Variants in SIPA1L3 observed in about 807,000 individuals in gnomAD.
SIPA1L3 encodes signal-induced proliferation-associated 1-like protein 3.
A neutral mutation model predicts 150.1 loss-of-function variants in SIPA1L3; 59 were observed. The ratio of observed to expected loss-of-function variants is 0.39; its 90% CI spans 0.32 to 0.49. SIPA1L3 has a LOEUF of 0.49. Among genes scored for constraint, SIPA1L3 ranks in the 20% least tolerant of loss-of-function variants. The pLI, the probability that SIPA1L3 is intolerant of heterozygous loss-of-function variation, is 0.86. For synonymous variants in SIPA1L3, 1,070 were observed against 1,077.6 expected (o/e 0.99, Z 0.14); for missense variants, 2,211 against 2,489.5 (o/e 0.89, Z 2.38).
At chr19:38,163,858 G>T (rs1299042574) in intron 14 of SIPA1L3, among the ~76,000 whole-genome samples, 1 of 152,226 alleles carries the variant, frequency 6.6e-6, no homozygotes, top group Non-Finnish European at 1.5e-5. Flanking sequence ...ACAGGTGGGG[G>T]TCATCATCTA....
chr19:37,923,202 T>G (rs1409647198), intron 1 of SIPA1L3, among the ~76,000 whole-genome samples: 1 of 151,548 alleles, frequency 6.6e-6, no homozygotes, highest in Admixed American at 6.6e-5. Context: ...GGAGCAGAAA[T>G]TAAACAGGCA....
At chr19:38,163,798 C>T (rs891463155) in intron 14 of SIPA1L3, among the ~76,000 whole-genome samples, 2 of 152,304 alleles carry the variant, frequency 1.3e-5, no homozygotes, top group Non-Finnish European at 2.9e-5. Flanking sequence ...CATCAAAGCC[C>T]CATGGGCCAT....
rs1973151546 is a variant in SIPA1L3 at position 38,204,131 on chromosome 19, G to T, written c.5125G>T (p.Glu1709Ter). The T allele has an allele frequency of 1.3e-6, 2 of 1,556,982 alleles. No homozygotes were observed. Among genetic ancestry groups the T allele is most frequent in the Non-Finnish European group, 1.7e-6 (2 of 1,149,616 alleles). Residue 1709 changes from glutamate to a stop codon, truncating the protein, a stop_gained, in exon 21 of 22, where the codon GAG becomes TAG. Transcript: ENST00000222345. LOFTEE classifies it high-confidence loss of function. ...CCTTGTCCCTGGTTTTTCCAGCGAGGAGCCACCCCTGGATCTGACAGGCAA... is the reference window on the plus strand; with the variant it reads ...CCTTGTCCCTGGTTTTTCCAGCGAGTAGCCACCCCTGGATCTGACAGGCAA... Reference protein sequence around the residue: ...TPRTTPTMSEEPPLDLTGKVY... With the variant: ...TPRTTPTMSE
rs117608185 is a variant in SIPA1L3, at chr19:38,087,543, G to A, written c.1535-1178G>A. Among the ~76,000 whole-genome samples, 1,233 of 152,286 alleles carry A rather than the reference G, an allele frequency of 8.1e-3. 8 individuals are homozygous for A. The highest frequency in any genetic ancestry group is 0.014 in the Middle Eastern group (4 of 294). Reference sequence around the variant, plus strand: ...TTGTGGACTTGGATCAAGACAGACCGCTGGCGGATACCCACACAAGCATGA... The same window carrying A: ...TTGTGGACTTGGATCAAGACAGACCACTGGCGGATACCCACACAAGCATGA... On this transcript the variant is annotated intron_variant, in intron 3 of 21. Transcript: ENST00000222345.
At chr19:37,995,432 C>T (rs985011386) in intron 1 of SIPA1L3, among the ~76,000 whole-genome samples, 24 of 152,146 alleles carry the variant, frequency 1.6e-4, no homozygotes, top group African/African-American at 5.8e-4. Flanking sequence ...CCCACAGAGC[C>T]TGCAGTTTTA....
intron 1 of SIPA1L3, among the ~76,000 whole-genome samples, chr19:37,918,879 T>G (rs2046434859): frequency 1.5e-5 from 2 of 137,674 alleles, no homozygotes; most frequent in African/African-American, 5.8e-5. Flanking sequence ...TCAAAATAAA[T>G]AAATAAATAA....
intron 1 of SIPA1L3, among the ~76,000 whole-genome samples, chr19:38,015,971 C>T (rs147902697): frequency 4.6e-4 from 70 of 152,262 alleles, no homozygotes; most frequent in African/African-American, 1.5e-3. Flanking sequence ...AATCTGCGCT[C>T]ACAGGGGATC....
At chr19:38,117,685 G>C (rs939918215) in intron 8 of SIPA1L3, among the ~76,000 whole-genome samples, 1 of 152,050 alleles carries the variant, frequency 6.6e-6, no homozygotes, top group East Asian at 1.9e-4. Context: ...GGAGAGAATG[G>C]GGCTCACCCA....
At chr19:38,131,184 C>T (rs938592288) in intron 10 of SIPA1L3, among the ~76,000 whole-genome samples, 5 of 152,120 alleles carry the variant, frequency 3.3e-5, no homozygotes, top group Non-Finnish European at 7.4e-5. Flanking sequence ...TGCTCCCTTG[C>T]GGTTTGTGTT....
rs58768492 is a variant in SIPA1L3, at chr19:37,914,024, CAAAAAAAAAAA to C, written c.-379+6678_-379+6688del. On this transcript the variant is annotated intron_variant, in intron 1 of 21. Coordinates refer to ENST00000222345, the MANE Select transcript of SIPA1L3 (RefSeq NM_015073.3). The stretch of plus-strand genomic sequence containing the variant: ...TGGGCGGCAGAGTGAGAGGCCGTCT[CAAAAAAAAAAA>C]AAAAAAAAAAATCCTGATCCTGCCT... Among the ~76,000 whole-genome samples, 11 of 110,790 alleles carry C rather than the reference CAAAAAAAAAAA, an allele frequency of 9.9e-5. No homozygotes were observed. In the South Asian group the frequency reaches 2.5e-3, roughly 26 times the overall value. The allele number at this position is 110,790 out of a possible 152,430, so 72.7% of individuals were successfully genotyped here.
intron 8 of SIPA1L3, among the ~76,000 whole-genome samples, chr19:38,116,576 GGT>G (rs1166195975): frequency 1.3e-5 from 2 of 150,088 alleles, no homozygotes; most frequent in African/African-American, 4.9e-5. Flanking sequence ...GGCTGGGTGC[GGT>G]GGCTCACACC....
intron 9 of SIPA1L3, among the ~76,000 whole-genome samples, chr19:38,129,341 C>G (rs1318859841): frequency 6.6e-6 from 1 of 152,026 alleles, no homozygotes; most frequent in African/African-American, 2.4e-5. Flanking sequence ...AATGGTGTCA[C>G]GAGGCCGGGC....
intron 18 of SIPA1L3, among the ~76,000 whole-genome samples, chr19:38,196,337 GAGC>G (rs748731400): frequency 3.4e-4 from 52 of 152,180 alleles, no homozygotes; most frequent in Non-Finnish European, 7.2e-4. Flanking sequence ...GCCCAGGGTG[GAGC>G]ATGGAGGTCA....
At chr19:38,144,872 C>T (rs1365247886) in intron 12 of SIPA1L3, among the ~76,000 whole-genome samples, 1 of 152,184 alleles carries the variant, frequency 6.6e-6, no homozygotes, top group Non-Finnish European at 1.5e-5. Context: ...GAGGAGGTGA[C>T]ATCTGAACAG....
At chr19:37,930,834 C>G (rs547706723) in intron 1 of SIPA1L3, among the ~76,000 whole-genome samples, 49 of 151,830 alleles carry the variant, frequency 3.2e-4, no homozygotes, top group Non-Finnish European at 5.4e-4. Flanking sequence ...ACCCCTCCCC[C>G]CCAACCCCCA....
At position 38,192,159 on chromosome 19, in the gene SIPA1L3, A is replaced by G; in HGVS notation, c.4445A>G (p.Asn1482Ser). 6.2e-7 allele frequency: 1 copy of G among 1,607,466 alleles called. No homozygotes were observed. The highest frequency in any genetic ancestry group is 2.2e-5 in the East Asian group (1 of 44,594). ...FSDPKKQVDT[N>S]TKNVFGQPRL... ...TGTCATTCCAGGCAGGTGGACACGA[A>G]CACCAAAAATGTCTTTGGGCAACCG... Residue 1482 changes from asparagine to serine, a missense_variant, in exon 17 of 22, where the codon AAC becomes AGC. Coordinates refer to ENST00000222345, the MANE Select transcript of SIPA1L3 (RefSeq NM_015073.3).
intron 4 of SIPA1L3, among the ~76,000 whole-genome samples, chr19:38,090,292 T>C (rs561250818): frequency 2.1e-4 from 31 of 148,884 alleles, no homozygotes; most frequent in Non-Finnish European, 4.1e-4. Flanking sequence ...ATCGCGCCAT[T>C]GTACTCCAGC....
At chr19:38,090,462 G>C (rs1970235298) in intron 4 of SIPA1L3, among the ~76,000 whole-genome samples, 1 of 152,142 alleles carries the variant, frequency 6.6e-6, no homozygotes, top group South Asian at 2.1e-4. Context: ...GGTCTAGCAT[G>C]TGTTACCCAC....
At chr19:38,035,116 G>A (rs1362152788) in intron 2 of SIPA1L3, among the ~76,000 whole-genome samples, 2 of 152,210 alleles carry the variant, frequency 1.3e-5, no homozygotes, top group African/African-American at 2.4e-5. Context: ...GCTCCTGGAA[G>A]CAGCTTTTGG....
Sources: allele counts gnomAD v4.1 joint callset (sites outside exome capture counted in the v4.1 genomes callset), GRCh38; gene constraint gnomAD v4.1.1; transcripts MANE v1.5; gene names NCBI Gene and HGNC (gene_info 2026-07-23, HGNC 2026-07-21).